Variants in PITPNM3 observed in about 807,000 individuals in gnomAD.
PITPNM3 encodes membrane-associated phosphatidylinositol transfer protein 3.
PITPNM3 carries 26 observed loss-of-function variants against 102.0 expected under a neutral mutation model. That is an observed-to-expected ratio of 0.25 (90% confidence interval 0.19 to 0.35). The LOEUF is 0.35. Ranked by LOEUF, PITPNM3 falls within the 10% of genes least tolerant of loss-of-function variation. The pLI is 1.00. For missense variants in PITPNM3, 1,083 were observed against 1,346.1 expected (o/e 0.80, Z 3.06); for synonymous variants, 578 against 558.6 (o/e 1.03, Z -0.49).
In PITPNM3 at chr17:6,472,920, A is replaced by G. The variant is rs1021970854; in HGVS notation, c.1259-93T>C. Reference sequence around the variant, plus strand: ...CCTGGAATGCAGCCTGGAGTAGCCTACTCCCCTCTCAAGAGCCTCCCCGGG... The same window carrying G: ...CCTGGAATGCAGCCTGGAGTAGCCTGCTCCCCTCTCAAGAGCCTCCCCGGG... On this transcript the variant is annotated intron_variant, in intron 10 of 19. Coordinates refer to ENST00000262483, the MANE Select transcript of PITPNM3 (RefSeq NM_031220.4). This position sits in a 1 kb window ranked among gnomAD's most constrained non-coding sequence, Gnocchi z 4.1. The G allele has an allele frequency of 6.8e-7, 1 of 1,465,792 alleles. No homozygotes were observed. The highest frequency in any genetic ancestry group is 9.4e-7 in the Non-Finnish European group (1 of 1,066,932). 90.8% of individuals were successfully genotyped at this position (1,465,792 alleles called of 1,614,324 possible).
At chr17:6,491,360 G>A (rs905241446) in intron 4 of PITPNM3, among the ~76,000 whole-genome samples, 5 of 152,150 alleles carry the variant, frequency 3.3e-5, no homozygotes, top group Admixed American at 2.0e-4. Flanking sequence ...GGGAACCTGC[G>A]GCCACACAAG....
chr17:6,458,971 C>T lies in PITPNM3; in HGVS notation c.2491-1249G>A, dbSNP rs1466851105. 6.6e-6 allele frequency among the ~76,000 whole-genome samples: 1 copy of T among 152,156 alleles called. No individual in the cohort carries two copies. Among genetic ancestry groups the T allele is most frequent in the Non-Finnish European group, 1.5e-5 (1 of 68,028 alleles). ...GCAGGTGACTGCCTTCGATGCTGGA[C>T]CAAGGAGAGGGCTTCCTCAGCCCAC... On this transcript the variant is annotated intron_variant, in intron 18 of 19. Coordinates refer to ENST00000262483, the MANE Select transcript of PITPNM3 (RefSeq NM_031220.4). The surrounding 1 kb of genome is among the most constrained non-coding windows in gnomAD (Gnocchi z 5.1).
intron 3 of PITPNM3, among the ~76,000 whole-genome samples, chr17:6,508,807 T>C (rs899728139): frequency 4.6e-5 from 7 of 152,124 alleles, no homozygotes; most frequent in Non-Finnish European, 7.4e-5. Context: ...GCCCGGACAG[T>C]AGGAAGCCGG....
rs1910609498 is a variant in PITPNM3, at chr17:6,556,350, G to A, written c.22+35C>T. 8.6e-6 allele frequency: 12 copies of A among 1,401,148 alleles called. No homozygotes were observed. Among genetic ancestry groups the A allele is most frequent in the East Asian group, 6.3e-5 (2 of 31,588 alleles). The allele number at this position is 1,401,148 out of a possible 1,614,324, so 86.8% of individuals were successfully genotyped here. The stretch of plus-strand genomic sequence containing the variant: ...TCTAGACGCGCGAGTCCCTCCCCCG[G>A]GCCCCGGCCCTGCCCTCCCCGCGCC... On this transcript the variant is annotated intron_variant, in intron 1 of 19. Coordinates refer to ENST00000262483, the MANE Select transcript of PITPNM3 (RefSeq NM_031220.4). This position sits in a 1 kb window ranked among gnomAD's most constrained non-coding sequence, Gnocchi z 5.2.
At position 6,457,325 on chromosome 17, in the gene PITPNM3, C is replaced by T. The variant is rs889738575; in HGVS notation, c.2619+269G>A. ...TGTGCTCCCGTCATACATCATGGCACTTGTTACACTCCACTGTCACCAACT... is the reference window on the plus strand; with the variant it reads ...TGTGCTCCCGTCATACATCATGGCATTTGTTACACTCCACTGTCACCAACT... On this transcript the variant is annotated intron_variant, in intron 19 of 19. Coordinates refer to ENST00000262483, the MANE Select transcript of PITPNM3 (RefSeq NM_031220.4). This position sits in a 1 kb window ranked among gnomAD's most constrained non-coding sequence, Gnocchi z 4.7. 6.8e-4 allele frequency among the ~76,000 whole-genome samples: 104 copies of T among 152,338 alleles called. No homozygotes were observed. Among genetic ancestry groups the T allele is most frequent in the African/African-American group, 2.5e-3 (104 of 41,562 alleles).
chr17:6,480,229 T>C (rs1161742550), intron 6 of PITPNM3: 1 of 152,216 alleles, frequency 6.6e-6, no homozygotes, highest in Non-Finnish European at 1.5e-5. Context: ...ACAGACCTAA[T>C]CTTCCTTCCT....
In PITPNM3 at chr17:6,465,601, C is replaced by T. The variant is rs139914089; in HGVS notation, c.1891-830G>A. Among the ~76,000 whole-genome samples, 487 of 152,372 alleles carry T rather than the reference C, an allele frequency of 3.2e-3. 1 individual carries two copies. Among genetic ancestry groups the T allele is most frequent in the African/African-American group, 0.011 (473 of 41,584 alleles). ...CTGCTCCACCACTTAGCAACAAACT[C>T]GTGGCCATCCTGGTTTCGTTCTTCC... On this transcript the variant is annotated intron_variant, in intron 14 of 19. Transcript: ENST00000262483.
chr17:6,512,755 C>T (rs1192785670), intron 3 of PITPNM3, among the ~76,000 whole-genome samples: 1 of 152,104 alleles, frequency 6.6e-6, no homozygotes, highest in Non-Finnish European at 1.5e-5. Context: ...ATCAGGGATA[C>T]CCAGGCAGTG....
intron 4 of PITPNM3, among the ~76,000 whole-genome samples, chr17:6,492,587 T>C (rs1906560015): frequency 6.6e-6 from 1 of 152,180 alleles, no homozygotes; most frequent in Non-Finnish European, 1.5e-5. Context: ...CTAGGCGCCA[T>C]GGCTCACACC....
chr17:6,555,462 C>G (rs1361975952), intron 1 of PITPNM3, among the ~76,000 whole-genome samples: 1 of 152,206 alleles, frequency 6.6e-6, no homozygotes, highest in Non-Finnish European at 1.5e-5. Context: ...GGTAGATTCT[C>G]ACACGCCAGC....
chr17:6,478,008 G>C lies in PITPNM3; in HGVS notation c.867C>G (p.Ser289Arg). 1 of 1,613,464 alleles carries C rather than the reference G, an allele frequency of 6.2e-7. No individual in the cohort carries two copies. The highest frequency in any genetic ancestry group is 8.5e-7 in the Non-Finnish European group (1 of 1,180,040). ...TGCTGATGCTCCCCTTCCGGCTGCTGCTGGCAGGGCTGTCCCCTGAGGGCC... is the reference window on the plus strand; with the variant it reads ...TGCTGATGCTCCCCTTCCGGCTGCTCCTGGCAGGGCTGTCCCCTGAGGGCC... Reference protein sequence around the residue: ...SAGPSGDSPASSSRKGSISST... With the variant: ...SAGPSGDSPARSSRKGSISST... The change falls in exon 8 of 20, where the codon AGC becomes AGG. Residue 289 changes from serine (S) to arginine (R), a missense_variant. By Grantham distance (110) the Ser-to-Arg change is moderately radical. This residue lies in a region of PITPNM3 where 172 missense variants were observed against 175.6 expected (regional missense o/e 0.98). Coordinates refer to ENST00000262483, the MANE Select transcript of PITPNM3 (RefSeq NM_031220.4). The surrounding 1 kb of genome is among the most constrained non-coding windows in gnomAD (Gnocchi z 4.4).
At chr17:6,534,042 A>G (rs1283776209) in intron 2 of PITPNM3, among the ~76,000 whole-genome samples, 2 of 152,216 alleles carry the variant, frequency 1.3e-5, no homozygotes, top group Admixed American at 6.5e-5. Context: ...GTTAGATTCA[A>G]AAACCTTGAG....
intron 6 of PITPNM3, among the ~76,000 whole-genome samples, chr17:6,482,022 C>CTCTCTCTCTG (rs1905745178): frequency 2.7e-5 from 3 of 109,690 alleles, no homozygotes; most frequent in Non-Finnish European, 3.6e-5. Flanking sequence ...CTCTCTCTCT[C>CTCTCTCTCTG]TCTCTCTCTC....
chr17:6,464,872 G>C (rs1438427130), intron 14 of PITPNM3, 101 bp from the exon 15 acceptor site: 1 of 1,087,310 alleles, frequency 9.2e-7, no homozygotes, highest in Non-Finnish European at 1.4e-6. Context: ...ATATCAGCTT[G>C]CTGAATCATG....
intron 9 of PITPNM3, 30 bp downstream of exon 9, chr17:6,476,999 T>C: frequency 1.9e-6 from 3 of 1,612,192 alleles, no homozygotes; most frequent in Non-Finnish European, 2.5e-6. Context: ...TGAGCCAAGG[T>C]CTTCTTGCTT....
At chr17:6,473,005 G>A (rs73975556) in intron 10 of PITPNM3, among the ~76,000 whole-genome samples, 178 bp from the exon 11 acceptor site, 6,515 of 152,234 alleles carry the variant, frequency 0.043, 468 homozygotes, top group African/African-American at 0.15. Flanking sequence ...ACCCAGGAGC[G>A]CAGTGACAGG....
intron 1 of PITPNM3, among the ~76,000 whole-genome samples, chr17:6,546,015 G>C (rs1327113162): frequency 6.6e-6 from 1 of 152,230 alleles, no homozygotes; most frequent in Non-Finnish European, 1.5e-5. Flanking sequence ...ATGTCCTCAG[G>C]CTTCCTCTCT....
chr17:6,499,006 G>A (rs1386851791), intron 4 of PITPNM3, among the ~76,000 whole-genome samples: 1 of 152,054 alleles, frequency 6.6e-6, no homozygotes, highest in Non-Finnish European at 1.5e-5. Flanking sequence ...TCAGAACCAG[G>A]AGGGACTCCA....
At chr17:6,499,497 G>A (rs1907040663) in intron 4 of PITPNM3, among the ~76,000 whole-genome samples, 2 of 152,170 alleles carry the variant, frequency 1.3e-5, no homozygotes, top group Admixed American at 6.5e-5. Flanking sequence ...CGCAGGACCA[G>A]TAGAGCGCCA....
Sources: gnomAD v4.1 joint callset for allele counts (sites outside exome capture counted in the v4.1 genomes callset) on GRCh38, gnomAD v4.1.1 for gene constraint, gnomAD v4.1.1 regional missense constraint, Gnocchi (gnomAD v3.1) non-coding constraint, MANE v1.5 for transcripts, NCBI Gene and HGNC (gene_info 2026-07-23, HGNC 2026-07-21) for gene names.